The following TACC2 variants were observed in gnomAD, a reference collection of about 807,000 sequenced individuals.
The protein encoded by TACC2 is transforming acidic coiled-coil-containing protein 2.
A neutral mutation model predicts 227.3 loss-of-function variants in TACC2; 137 were observed. The ratio of observed to expected loss-of-function variants is 0.60; its 90% CI spans 0.52 to 0.69. TACC2 has a LOEUF of 0.69. Ranked by LOEUF, TACC2 falls within the 30% of genes least tolerant of loss-of-function variation. The pLI is 0.00. For missense variants in TACC2, 3,470 were observed against 3,694.4 expected (o/e 0.94, Z 1.57); for synonymous variants, 1,523 against 1,487.5 (o/e 1.02, Z -0.55).
chr10:122,165,811 GGA>G (rs897659116), intron 7 of TACC2, among the ~76,000 whole-genome samples: 4 of 152,162 alleles, frequency 2.6e-5, no homozygotes, highest in African/African-American at 9.7e-5. Flanking sequence ...CTAAAAAAAT[GGA>G]GAGAGAGGAA....
intron 5 of TACC2, among the ~76,000 whole-genome samples, chr10:122,110,750 C>T (rs1302073803): frequency 6.6e-6 from 1 of 152,158 alleles, no homozygotes; most frequent in Non-Finnish European, 1.5e-5. Context: ...TAACCAGGTA[C>T]CTACTGCATT....
chr10:122,061,642 T>A (rs2076836162), intron 3 of TACC2, among the ~76,000 whole-genome samples: 1 of 152,062 alleles, frequency 6.6e-6, no homozygotes, highest in East Asian at 1.9e-4. Context: ...AGGGGGTCGG[T>A]GTCTTAGTCC....
chr10:122,015,082 C>T (rs917016321), intron 1 of TACC2, among the ~76,000 whole-genome samples: 2 of 143,530 alleles, frequency 1.4e-5, no homozygotes, highest in African/African-American at 2.6e-5. Context: ...ATGGTACTTA[C>T]AGGCTTTGGC....
rs141016456 is a variant in TACC2 at position 122,132,716 on chromosome 10, C to T, written c.5681C>T (p.Thr1894Met). ...YHGDVVGQVS[T>M]DLIAQSISPA... ...GGTGATGTTGTTGGCCAGGTCTCTACGGATCTGATAGCCCAGAGGTACGGT... is the reference window on the plus strand; with the variant it reads ...GGTGATGTTGTTGGCCAGGTCTCTATGGATCTGATAGCCCAGAGGTACGGT... Residue 1894 changes from threonine (T) to methionine (M), a missense_variant, in exon 6 of 23, where the codon ACG becomes ATG. Thr to Met is a moderately conservative substitution (Grantham distance 81). Transcript: ENST00000369005. 49 of 1,614,046 alleles carry T rather than the reference C, an allele frequency of 3.0e-5. No individual in the cohort carries two copies. The highest frequency in any genetic ancestry group is 1.6e-4 in the Middle Eastern group (1 of 6,084).
chr10:122,226,604 A>T (rs115729220), intron 13 of TACC2, 123 bp downstream of exon 13: 4,782 of 300,724 alleles, frequency 0.016, 10 homozygotes, highest in South Asian at 0.03. Context: ...CATGCCACAT[A>T]TTTTTTTTTT....
intron 5 of TACC2, among the ~76,000 whole-genome samples, chr10:122,090,499 A>G (rs1402639458): frequency 1.4e-5 from 2 of 142,976 alleles, no homozygotes; most frequent in Admixed American, 1.4e-4. Flanking sequence ...GTGAGCCGAG[A>G]TTGCGCCACT....
intron 16 of TACC2, among the ~76,000 whole-genome samples, chr10:122,236,592 CT>C (rs2095861464): frequency 3.2e-4 from 1 of 3,100 alleles, no homozygotes; most frequent in Non-Finnish European, 5.0e-4. Flanking sequence ...CCACAGATTC[CT>C]CCTCCTCACC....
chr10:121,991,524 CT>C (rs976779897), intron 1 of TACC2, among the ~76,000 whole-genome samples: 4 of 152,118 alleles, frequency 2.6e-5, no homozygotes, highest in African/African-American at 9.7e-5. Flanking sequence ...AAAAATAAGT[CT>C]TTTTTGCTAA....
intron 8 of TACC2, among the ~76,000 whole-genome samples, chr10:122,198,184 G>T (rs1438668743): frequency 6.6e-6 from 1 of 152,222 alleles, no homozygotes; most frequent in Non-Finnish European, 1.5e-5. Context: ...GATGGAAGAT[G>T]TGTGGGCCAG....
At chr10:122,089,118 A>G (rs532624917) in intron 5 of TACC2, among the ~76,000 whole-genome samples, 1 of 152,304 alleles carries the variant, frequency 6.6e-6, no homozygotes, top group South Asian at 2.1e-4. Flanking sequence ...CTGTCTCAAA[A>G]AAAGAAAAGA....
At chr10:122,176,579 T>C (rs1164663090) in intron 7 of TACC2, among the ~76,000 whole-genome samples, 2 of 150,382 alleles carry the variant, frequency 1.3e-5, no homozygotes, top group Non-Finnish European at 2.9e-5. Flanking sequence ...TAGACAAATA[T>C]AGATTTTTTT....
chr10:122,059,701 T>A (rs2076587869), intron 3 of TACC2, among the ~76,000 whole-genome samples: 1 of 152,084 alleles, frequency 6.6e-6, no homozygotes, highest in Admixed American at 6.5e-5. Context: ...GAGTTAGACA[T>A]TGAGCAAGGA....
chr10:122,208,201 AGT>A (rs1354016027), intron 8 of TACC2, among the ~76,000 whole-genome samples: 1 of 152,118 alleles, frequency 6.6e-6, no homozygotes, highest in African/African-American at 2.4e-5. Context: ...AGAAGAGGAG[AGT>A]GAGAGGCTTG....
At chr10:122,023,365 T>A (rs530723912) in intron 2 of TACC2, 1 of 152,116 alleles carries the variant, frequency 6.6e-6, no homozygotes, top group South Asian at 2.1e-4. Flanking sequence ...GAAAACAAAG[T>A]GTCAAAAGAA....
At chr10:122,004,815 A>G (rs1590931509) in intron 1 of TACC2, among the ~76,000 whole-genome samples, 1 of 152,346 alleles carries the variant, frequency 6.6e-6, no homozygotes, top group African/African-American at 2.4e-5. Context: ...AATAGGCTGT[A>G]TCTAGGTAGC....
intron 3 of TACC2, among the ~76,000 whole-genome samples, chr10:122,057,954 C>A (rs532123497): frequency 1.3e-5 from 2 of 152,302 alleles, no homozygotes; most frequent in South Asian, 4.1e-4. Flanking sequence ...AACAAGCAAA[C>A]CAGCCCTTTC....
At chr10:121,993,703 G>A (rs1034123071) in intron 1 of TACC2, among the ~76,000 whole-genome samples, 2 of 152,082 alleles carry the variant, frequency 1.3e-5, no homozygotes, top group African/African-American at 2.4e-5. Context: ...ACAGCTCACC[G>A]CAACCTCAAC....
chr10:122,213,688 A>G (rs1430944635), intron 9 of TACC2, among the ~76,000 whole-genome samples: 4 of 152,082 alleles, frequency 2.6e-5, no homozygotes, highest in African/African-American at 4.8e-5. Flanking sequence ...ATTTTTTTTA[A>G]ACTCTTCATT....
intron 5 of TACC2, chr10:122,127,007 G>A (rs1175077943): frequency 1.3e-5 from 2 of 152,600 alleles, no homozygotes; most frequent in East Asian, 1.9e-4. Context: ...ATAAAAAGAG[G>A]CCCCACAGCA....
Sources: allele counts gnomAD v4.1 joint callset (sites outside exome capture counted in the v4.1 genomes callset), GRCh38; gene constraint gnomAD v4.1.1; transcripts MANE v1.5; gene names NCBI Gene and HGNC (gene_info 2026-07-23, HGNC 2026-07-21).